EEA1: variants seen among roughly 807,000 people sequenced by gnomAD.
EEA1 encodes early endosome antigen 1.
In EEA1, 111 loss-of-function variants were observed where a neutral mutation model predicts 209.2. The observed-to-expected ratio is 0.53, with a 90% CI of 0.45 to 0.62. The LOEUF is 0.62. EEA1 is among the 20% of genes least tolerant of loss of function. The pLI, the probability that EEA1 is intolerant of heterozygous loss-of-function variation, is 0.00. For synonymous variants in EEA1, 536 were observed against 540.6 expected (o/e 0.99, Z 0.12); for missense variants, 1,343 against 1,530.8 (o/e 0.88, Z 2.05).
intron 22 of EEA1, among the ~76,000 whole-genome samples, chr12:92,785,905 G>A (rs775783988): frequency 2.4e-4 from 36 of 152,060 alleles, no homozygotes; most frequent in South Asian, 1.5e-3. Flanking sequence ...GAAATTATTA[G>A]TACACAACAT....
Position 92,869,005 on chromosome 12 carries a change from T to TAA in EEA1, c.118-4020_118-4019dup, listed in dbSNP as rs11378037. ...CTTGCAATAAATGGGATGGGTAGAT[T>TAA]AAAAAAAAAAGTTTATTAAAACCCA... On this transcript the variant is annotated intron_variant, in intron 2 of 28. Transcript: ENST00000322349. 1.1e-3 allele frequency among the ~76,000 whole-genome samples: 171 copies of TAA among 150,336 alleles called. 1 individual carries two copies. In the East Asian group the frequency reaches 0.023, roughly 21 times the overall value.
Position 92,796,533 on chromosome 12 carries a change from A to G in EEA1, c.2967+2359T>C, listed in dbSNP as rs141712506. On this transcript the variant is annotated intron_variant, in intron 21 of 28. Transcript: ENST00000322349. ...AATGTGGAAAACTATATATCTATAG[A>G]TATCTACTTATATATATAACTCTAT... is the stretch of plus-strand genomic sequence containing the variant. 5.9e-3 allele frequency among the ~76,000 whole-genome samples: 894 copies of G among 152,108 alleles called. 8 individuals are homozygous for G. The highest frequency in any genetic ancestry group is 0.021 in the African/African-American group (854 of 41,530).
intron 21 of EEA1, among the ~76,000 whole-genome samples, chr12:92,795,117 T>C (rs1027223533): frequency 3.3e-5 from 5 of 152,230 alleles, no homozygotes; most frequent in Admixed American, 1.3e-4. Flanking sequence ...TAGAGTCCAA[T>C]TGCCCTTAGA....
intron 9 of EEA1, among the ~76,000 whole-genome samples, chr12:92,845,136 A>G (rs947448228): frequency 6.6e-6 from 1 of 152,128 alleles, no homozygotes; most frequent in South Asian, 2.1e-4. Context: ...TTGTACAACA[A>G]ATTTGGATAT....
At chr12:92,894,901 G>A (rs1879802616) in intron 1 of EEA1, among the ~76,000 whole-genome samples, 1 of 152,190 alleles carries the variant, frequency 6.6e-6, no homozygotes, top group African/African-American at 2.4e-5. Flanking sequence ...TATAGCTAGA[G>A]AAGAGAAATC....
At chr12:92,791,381 C>G (rs1455033113) in intron 21 of EEA1, among the ~76,000 whole-genome samples, 1 of 152,082 alleles carries the variant, frequency 6.6e-6, no homozygotes, top group Non-Finnish European at 1.5e-5. Context: ...AGAGACCCAT[C>G]TCACATGCAA....
chr12:92,925,283 T>A (rs1333569878), intron 1 of EEA1, among the ~76,000 whole-genome samples: 1 of 152,118 alleles, frequency 6.6e-6, no homozygotes, highest in Non-Finnish European at 1.5e-5. Flanking sequence ...GGCACGATCT[T>A]GGCTCACTGC....
intron 2 of EEA1, among the ~76,000 whole-genome samples, chr12:92,878,779 A>G (rs950060922): frequency 6.6e-6 from 1 of 152,160 alleles, no homozygotes; most frequent in African/African-American, 2.4e-5. Context: ...AGGATAAAAT[A>G]TTTTATCTCT....
chr12:92,801,406 AT>A (rs1276684798), intron 20 of EEA1, among the ~76,000 whole-genome samples, 193 bp downstream of exon 20: 6 of 152,140 alleles, frequency 3.9e-5, no homozygotes, highest in African/African-American at 1.4e-4. Flanking sequence ...AACTATATAC[AT>A]GATTTGTTAC....
At position 92,889,862 on chromosome 12, in the gene EEA1, C is replaced by T. The variant is rs140576745; in HGVS notation, c.117+1767G>A. ...CTGGGAGGCAGAGGTTACAGTGAGC[C>T]AAGATTGTGCCACTGCACTCCAGTC... On this transcript the variant is annotated intron_variant, in intron 2 of 28. Coordinates refer to ENST00000322349, the MANE Select transcript of EEA1 (RefSeq NM_003566.4). 1.4e-3 allele frequency among the ~76,000 whole-genome samples: 217 copies of T among 152,048 alleles called. 4 individuals are homozygous for T. The East Asian group carries it at 0.04, about 28-fold the overall frequency.
Position 92,839,292 on chromosome 12 carries a change from T to C in EEA1, c.915+3173A>G, listed in dbSNP as rs190703991. On this transcript the variant is annotated intron_variant, in intron 10 of 28. Transcript: ENST00000322349. Reference sequence around the variant, plus strand: ...GAAAAGATCCACTCAAAAGGCAAGATAGATCAAATTTTAATGTTACAGTGT... The same window carrying C: ...GAAAAGATCCACTCAAAAGGCAAGACAGATCAAATTTTAATGTTACAGTGT... 9.8e-5 allele frequency among the ~76,000 whole-genome samples: 15 copies of C among 152,292 alleles called. No individual in the cohort carries two copies. The East Asian group carries it at 1.9e-3, about 20-fold the overall frequency.
intron 1 of EEA1, among the ~76,000 whole-genome samples, chr12:92,908,002 G>A (rs1044471684): frequency 1.3e-5 from 2 of 152,072 alleles, no homozygotes; most frequent in Middle Eastern, 3.2e-3. Flanking sequence ...AAACCTAAAT[G>A]AACTAAAACA....
At chr12:92,892,616 C>A (rs1406552382) in intron 1 of EEA1, among the ~76,000 whole-genome samples, 1 of 137,286 alleles carries the variant, frequency 7.3e-6, no homozygotes, top group Admixed American at 7.1e-5. Context: ...ACTCTGTCAT[C>A]CAGGCTGGAG....
At chr12:92,886,534 GA>G (rs1234887993) in intron 2 of EEA1, among the ~76,000 whole-genome samples, 1 of 62,040 alleles carries the variant, frequency 1.6e-5, no homozygotes, top group Admixed American at 1.5e-4. Context: ...GATGGGAGGG[GA>G]GGGAGAGGAG....
At chr12:92,808,881 G>T in intron 18 of EEA1, 136 bp downstream of exon 18, 1 of 699,072 alleles carries the variant, frequency 1.4e-6, no homozygotes, top group Non-Finnish European at 2.1e-6. Context: ...ATTAACATCA[G>T]TTTATAAAAT....
At chr12:92,861,095 A>G (rs1326070773) in intron 3 of EEA1, among the ~76,000 whole-genome samples, 1 of 152,212 alleles carries the variant, frequency 6.6e-6, no homozygotes, top group Non-Finnish European at 1.5e-5. Context: ...CTGACAAAGA[A>G]TGGTGAACTG....
intron 1 of EEA1, among the ~76,000 whole-genome samples, chr12:92,920,408 A>C (rs1230657108): frequency 1.3e-3 from 179 of 143,096 alleles, no homozygotes; most frequent in Admixed American, 6.3e-3. Context: ...AGATATAGAT[A>C]AATGGAACAG....
intron 2 of EEA1, among the ~76,000 whole-genome samples, chr12:92,866,691 C>T (rs945562170): frequency 2.0e-5 from 3 of 152,156 alleles, no homozygotes; most frequent in Non-Finnish European, 4.4e-5. Flanking sequence ...ATCCATCTAT[C>T]TAGCCAATAA....
intron 21 of EEA1, among the ~76,000 whole-genome samples, chr12:92,798,070 T>G (rs1310373582): frequency 6.6e-6 from 1 of 152,090 alleles, no homozygotes; most frequent in Non-Finnish European, 1.5e-5. Context: ...TTACCAACTC[T>G]TGGTCTGGAC....
Sources: allele counts gnomAD v4.1 joint callset (sites outside exome capture counted in the v4.1 genomes callset), GRCh38; gene constraint gnomAD v4.1.1; transcripts MANE v1.5; gene names NCBI Gene and HGNC (gene_info 2026-07-23, HGNC 2026-07-21).